Variants in KIF11 observed in about 807,000 individuals in gnomAD.
KIF11 encodes kinesin family member 11, also known as kinesin-like protein KIF11.
KIF11 carries 9 observed loss-of-function variants against 121.0 expected under a neutral mutation model. That is an observed-to-expected ratio of 0.07 (90% CI 0.04 to 0.13). KIF11 has a LOEUF of 0.13. KIF11 is among the 10% of genes least tolerant of loss of function. The pLI is 1.00. For missense variants in KIF11, 846 were observed against 1,217.5 expected (o/e 0.69, Z 4.54); for synonymous variants, 408 against 421.0 (o/e 0.97, Z 0.38).
chr10:92,633,778 G>A lies in KIF11; in HGVS notation c.1858G>A (p.Val620Ile). 1 of 1,582,910 alleles carries A rather than the reference G, an allele frequency of 6.3e-7. No homozygotes were observed. Among genetic ancestry groups the A allele is most frequent in the Admixed American group, 1.8e-5 (1 of 56,964 alleles). The change falls in exon 14 of 22, where the codon GTA (valine) becomes ATA (isoleucine). Residue 620 changes from valine (V) to isoleucine (I), a missense_variant. Physicochemically the swap from Val to Ile is conservative, Grantham distance 29. Transcript: ENST00000260731. The part of the protein sequence containing the change: ...EQSLAAESKT[V>I]LQELINVLKT... ...ATCATTAGCAGCAGAAAGTAAAACT[G>A]TACTACAGGAATTGATTGTTAGTAC... is the stretch of plus-strand genomic sequence containing the variant.
rs1312795272 is a variant in KIF11 at position 92,637,413 on chromosome 10, T to C, written c.2028T>C (p.Asp676=). 9 of 1,581,032 alleles carry C rather than the reference T, an allele frequency of 5.7e-6. No individual in the cohort carries two copies. The highest frequency in any genetic ancestry group is 7.7e-6 in the Non-Finnish European group (9 of 1,172,364). The part of the protein sequence containing the change: ...DKIEDQKKEL[D]GFLSILCNNL... ...TAGAAGATCAAAAAAAGGAACTAGA[T>C]GGCTTTCTCAGTATACTGTGTAACA... Residue 676 remains aspartate (D), a synonymous_variant, in exon 16 of 22, where the codon GAT becomes GAC. Coordinates refer to ENST00000260731, the MANE Select transcript of KIF11 (RefSeq NM_004523.4).
chr10:92,637,032 CAAAAAA>C, intron 14 of KIF11, 146 bp from the exon 15 acceptor site: 579 of 370,382 alleles, frequency 1.6e-3, no homozygotes, highest in East Asian at 3.0e-3. Flanking sequence ...GACTCCGTCT[CAAAAAA>C]AAAAAAAAAA....
chr10:92,646,564 T>C (rs1025553600), intron 18 of KIF11, among the ~76,000 whole-genome samples: 1 of 152,192 alleles, frequency 6.6e-6, no homozygotes, highest in African/African-American at 2.4e-5. Flanking sequence ...TATATGAGCC[T>C]AGAGATCTTG....
chr10:92,603,362 C>T (rs1222310358), intron 1 of KIF11, among the ~76,000 whole-genome samples: 1 of 150,262 alleles, frequency 6.7e-6, no homozygotes, highest in Non-Finnish European at 1.5e-5. Flanking sequence ...ACTTCAGCCT[C>T]CCAAGTAGCT....
intron 3 of KIF11, among the ~76,000 whole-genome samples, chr10:92,606,924 C>T (rs1414576338): frequency 6.6e-6 from 1 of 152,048 alleles, no homozygotes; most frequent in Non-Finnish European, 1.5e-5. Context: ...ATTACAGCTG[C>T]CTGCCACCAT....
intron 1 of KIF11, among the ~76,000 whole-genome samples, chr10:92,597,506 C>T (rs922890083): frequency 2.6e-5 from 4 of 151,946 alleles, no homozygotes; most frequent in Admixed American, 6.6e-5. Context: ...CTCAAGTGAT[C>T]CACCCATTTT....
intron 16 of KIF11, among the ~76,000 whole-genome samples, chr10:92,638,490 A>T (rs1844831457): frequency 6.6e-6 from 1 of 152,214 alleles, no homozygotes; most frequent in South Asian, 2.1e-4. Flanking sequence ...TTTTAGGTGT[A>T]TATTCTAAGG....
intron 16 of KIF11, among the ~76,000 whole-genome samples, chr10:92,638,093 C>T (rs985339745): frequency 4.7e-4 from 72 of 152,164 alleles, no homozygotes; most frequent in Non-Finnish European, 4.4e-5. Context: ...AGCCTTCAAA[C>T]CATAATCTGT....
intron 8 of KIF11, among the ~76,000 whole-genome samples, chr10:92,615,148 A>T (rs569317672): frequency 8.7e-4 from 133 of 152,224 alleles, no homozygotes; most frequent in African/African-American, 3.2e-3. Context: ...TTACGCCTGT[A>T]ATCCCAGCAC....
chr10:92,643,005 G>A (rs1430477070), intron 17 of KIF11, among the ~76,000 whole-genome samples: 1 of 151,964 alleles, frequency 6.6e-6, no homozygotes, highest in Admixed American at 6.6e-5. Flanking sequence ...TCTGCCTCCC[G>A]GGTTCAAGTG....
rs575307527 is a variant in KIF11, at chr10:92,654,319, G to T, written c.*523G>T. ...TTTGCAATGTAAATACGTATTTCTA[G>T]TTTTCATATAAAGTAGTTCTTTTAT... On this transcript the variant is annotated 3_prime_UTR_variant, in exon 22 of 22. Transcript: ENST00000260731. 6.6e-6 allele frequency: 1 copy of T among 152,308 alleles called. No individual in the cohort carries two copies. Among genetic ancestry groups the T allele is most frequent in the Non-Finnish European group, 1.5e-5 (1 of 68,086 alleles). The allele number at this position is 152,308 out of a possible 1,614,324, so 9.4% of individuals were successfully genotyped here. A position where few individuals can be genotyped will look rare whatever the true frequency, so the allele number is the denominator to read the frequency against.
intron 8 of KIF11, among the ~76,000 whole-genome samples, chr10:92,615,630 T>C (rs541291062): frequency 6.6e-6 from 1 of 152,248 alleles, no homozygotes; most frequent in East Asian, 1.9e-4. Context: ...ACTTTTCCAT[T>C]TGCCCCACTC....
At position 92,634,523 on chromosome 10, in the gene KIF11, C is replaced by G. The variant is rs1004487483; in HGVS notation, c.1875+728C>G. 3.3e-5 allele frequency among the ~76,000 whole-genome samples: 5 copies of G among 152,074 alleles called. No homozygotes were observed. The East Asian group carries it at 9.7e-4, about 29-fold the overall frequency. ...TCCTAACCTCAAGCAATCCACCCAC[C>G]TCGGCCTCCCAAAGCGCTGGGATTA... On this transcript the variant is annotated intron_variant, in intron 14 of 21. Coordinates refer to ENST00000260731, the MANE Select transcript of KIF11 (RefSeq NM_004523.4).
chr10:92,599,245 A>G (rs1844338136), intron 1 of KIF11, among the ~76,000 whole-genome samples: 1 of 151,930 alleles, frequency 6.6e-6, no homozygotes, highest in South Asian at 2.1e-4. Context: ...GGCTGGACGC[A>G]GTGGCTCTCA....
In KIF11 at chr10:92,637,249, A is replaced by C; in HGVS notation, c.1941A>C (p.Ile647=). The change falls in exon 15 of 22, where the codon ATA becomes ATC. Residue 647 remains isoleucine (I), a synonymous_variant. Coordinates refer to ENST00000260731, the MANE Select transcript of KIF11 (RefSeq NM_004523.4). ...EMILSPTVVS[I]LKINSQLKHI... is the part of the protein sequence containing the mutation. ...TTTTATCCCCAACTGTGGTGTCTAT[A>C]CTGAAAATCAATAGTCAACTAAAGC... is the stretch of plus-strand genomic sequence containing the variant. The C allele has an allele frequency of 6.3e-7, 1 of 1,589,576 alleles. No individual in the cohort carries two copies. The highest frequency in any genetic ancestry group is 8.5e-7 in the Non-Finnish European group (1 of 1,174,212).
chr10:92,616,763 T>C lies in KIF11; in HGVS notation c.1059T>C (p.Ala353=). ...LEETLSTLEY[A]HRAKNILNKP... is the part of the protein sequence containing the mutation. Reference sequence around the variant, plus strand: ...AAACTCTGAGTACATTGGAATATGCTCATAGAGCAAAGAACATATTGAATA... The same window carrying C: ...AAACTCTGAGTACATTGGAATATGCCCATAGAGCAAAGAACATATTGAATA... The change falls in exon 9 of 22, where the codon GCT becomes GCC. Residue 353 remains alanine, a synonymous_variant. Coordinates refer to ENST00000260731, the MANE Select transcript of KIF11 (RefSeq NM_004523.4). 6.2e-7 allele frequency: 1 copy of C among 1,605,196 alleles called. No homozygotes were observed. The highest frequency in any genetic ancestry group is 8.5e-7 in the Non-Finnish European group (1 of 1,174,712).
chr10:92,593,505 C>T, intron 1 of KIF11, 53 bp downstream of exon 1: 1 of 1,506,358 alleles, frequency 6.6e-7, no homozygotes. Context: ...TGCTGGGCCC[C>T]CTACTGCGCG....
rs1419891318 is a variant in KIF11, at chr10:92,633,606, GT to G, written c.1703-12del. 1.0e-5 allele frequency: 16 copies of G among 1,562,858 alleles called. No individual in the cohort carries two copies. The highest frequency in any genetic ancestry group is 1.3e-5 in the Non-Finnish European group (15 of 1,144,858). ...TTTATGTCAAAGTTTACATCTTTCT[GT>G]TTTTGTTTGTTATAGGTAATCTGCT... is the stretch of plus-strand genomic sequence containing the variant. On this transcript the variant is annotated splice_polypyrimidine_tract_variant and intron_variant, in intron 13 of 21. Coordinates refer to ENST00000260731, the MANE Select transcript of KIF11 (RefSeq NM_004523.4).
At position 92,616,765 on chromosome 10, in the gene KIF11, A is replaced by G. The variant is rs1252983709; in HGVS notation, c.1061A>G (p.His354Arg). ...ACTCTGAGTACATTGGAATATGCTC[A>G]TAGAGCAAAGAACATATTGAATAAG... ...EETLSTLEYA[H>R]RAKNILNKPE... Residue 354 changes from histidine (H) to arginine (R), a missense_variant, in exon 9 of 22, where the codon CAT becomes CGT. By Grantham distance (29) the His-to-Arg change is conservative. Coordinates refer to ENST00000260731, the MANE Select transcript of KIF11 (RefSeq NM_004523.4). The G allele has an allele frequency of 6.2e-7, 1 of 1,604,012 alleles. No individual in the cohort carries two copies. Among genetic ancestry groups the G allele is most frequent in the Non-Finnish European group, 8.5e-7 (1 of 1,173,542 alleles).
Sources: gnomAD v4.1 joint callset for allele counts (sites outside exome capture counted in the v4.1 genomes callset) on GRCh38, gnomAD v4.1.1 for gene constraint, MANE v1.5 for transcripts, NCBI Gene and HGNC (gene_info 2026-07-23, HGNC 2026-07-21) for gene names.